B4GALT1: variants seen among roughly 807,000 people sequenced by gnomAD.
The protein encoded by B4GALT1 is beta-1,4-galactosyltransferase 1.
A neutral mutation model predicts 34.9 loss-of-function variants in B4GALT1; 16 were observed. That is an observed-to-expected ratio of 0.46 (90% CI 0.31 to 0.70). The LOEUF is 0.70. B4GALT1 is among the 30% of genes least tolerant of loss of function. The pLI is 0.05. For missense variants in B4GALT1, 445 were observed against 530.5 expected (o/e 0.84, Z 1.58); for synonymous variants, 221 against 218.1 (o/e 1.01, Z -0.12).
chr9:33,110,435 T>C (rs575301586), downstream of B4GALT1, among the ~76,000 whole-genome samples: 1 of 152,334 alleles, frequency 6.6e-6, no homozygotes, highest in African/African-American at 2.4e-5. Context: ...TTGTTTTACA[T>C]ATATCGTCAC....
intron 1 of B4GALT1, among the ~76,000 whole-genome samples, chr9:33,148,976 T>C (rs1225366060): frequency 6.6e-6 from 1 of 152,176 alleles, no homozygotes; most frequent in Non-Finnish European, 1.5e-5. Context: ...GATTATGATT[T>C]AATGAAGTAA....
chr9:33,120,724 T>G, intron 2 of B4GALT1, 118 bp from the exon 3 acceptor site: 1 of 1,009,516 alleles, frequency 9.9e-7, no homozygotes, highest in Non-Finnish European at 1.5e-6. Context: ...GGGCCTCACT[T>G]TTCTGCCGTC....
chr9:33,135,110 C>A, intron 2 of B4GALT1, 79 bp downstream of exon 2: 1 of 1,401,152 alleles, frequency 7.1e-7, no homozygotes, highest in East Asian at 2.4e-5. Context: ...CTCCCCTTCC[C>A]CTGCCCTCAT....
chr9:33,107,731 G>T (rs1480709693), downstream of B4GALT1, among the ~76,000 whole-genome samples: 1 of 152,160 alleles, frequency 6.6e-6, no homozygotes, highest in Non-Finnish European at 1.5e-5. Context: ...CTGAGCCTAG[G>T]AGCCTGTCCT....
the B4GALT1 span, among the ~76,000 whole-genome samples, chr9:33,177,193 C>T: frequency 4.6e-5 from 7 of 152,164 alleles, no homozygotes; most frequent in African/African-American, 1.7e-4. Context: ...CATACCAAGG[C>T]GGCAAGTTCA....
At chr9:33,157,451 T>C (rs1430493310) in intron 1 of B4GALT1, among the ~76,000 whole-genome samples, 1 of 152,190 alleles carries the variant, frequency 6.6e-6, no homozygotes, top group Non-Finnish European at 1.5e-5. Flanking sequence ...TAGTGTATGC[T>C]AATGGAATAT....
chr9:33,168,665 C>G (rs1205872904), upstream of B4GALT1, among the ~76,000 whole-genome samples: 5 of 152,210 alleles, frequency 3.3e-5, no homozygotes, highest in African/African-American at 1.2e-4. Flanking sequence ...ATTTCTGTCT[C>G]CTCTCTGGAC....
intron 2 of B4GALT1, among the ~76,000 whole-genome samples, chr9:33,127,789 A>G (rs1197361293): frequency 5.9e-5 from 9 of 152,254 alleles, no homozygotes; most frequent in African/African-American, 2.2e-4. Context: ...AGCAGGATAC[A>G]AAAGTTTATA....
chr9:33,135,042 A>G (rs911529276), intron 2 of B4GALT1, 147 bp downstream of exon 2: 2 of 799,134 alleles, frequency 2.5e-6, no homozygotes, highest in African/African-American at 1.7e-5. Context: ...CCTCATCTGC[A>G]CTGGTGGTGG....
At chr9:33,123,817 A>G (rs1200999923) in intron 2 of B4GALT1, among the ~76,000 whole-genome samples, 1 of 152,240 alleles carries the variant, frequency 6.6e-6, no homozygotes, top group Non-Finnish European at 1.5e-5. Flanking sequence ...CTGGAGGAGA[A>G]GCCCAAGAAG....
downstream of B4GALT1, chr9:33,108,750 T>A (rs1839822666): frequency 6.6e-6 from 1 of 152,044 alleles, no homozygotes; most frequent in Non-Finnish European, 1.5e-5. Flanking sequence ...ACTGGTGTGC[T>A]CCATCTCACT....
At chr9:33,150,696 CTA>C (rs1268875940) in intron 1 of B4GALT1, among the ~76,000 whole-genome samples, 1 of 151,996 alleles carries the variant, frequency 6.6e-6, no homozygotes, top group South Asian at 2.1e-4. Context: ...AATTTATAGA[CTA>C]TATGCCAAAA....
chr9:33,126,667 G>GTTAACATTGTTAACTATC (rs1358355119), intron 2 of B4GALT1, among the ~76,000 whole-genome samples: 1 of 32,838 alleles, frequency 3.0e-5, no homozygotes, highest in African/African-American at 6.8e-5. Flanking sequence ...ATAGCAATAT[G>GTTAACATTGTTAACTATC]GTAGCTCAGA....
At chr9:33,151,837 C>T (rs1407286889) in intron 1 of B4GALT1, among the ~76,000 whole-genome samples, 2 of 152,148 alleles carry the variant, frequency 1.3e-5, no homozygotes, top group East Asian at 1.9e-4. Flanking sequence ...AAGCTTCTTG[C>T]AGCATGAGAG....
the B4GALT1 span, among the ~76,000 whole-genome samples, chr9:33,182,565 CT>C: frequency 0.02 from 3,029 of 152,224 alleles, 41 homozygotes; most frequent in Non-Finnish European, 0.03. Flanking sequence ...TTACTCCTCC[CT>C]TTTTTCCCCC....
intron 2 of B4GALT1, chr9:33,104,805 A>G (rs1410330749): frequency 4.6e-6 from 2 of 434,696 alleles, no homozygotes; most frequent in Admixed American, 2.7e-5. Context: ...CACATAACAG[A>G]AAATGCATCA....
chr9:33,158,938 G>A (rs767230232), intron 1 of B4GALT1, among the ~76,000 whole-genome samples: 6 of 152,054 alleles, frequency 3.9e-5, no homozygotes, highest in Non-Finnish European at 7.4e-5. Flanking sequence ...GGGGGGAGGG[G>A]GTCTCTCCTG....
intron 2 of B4GALT1, among the ~76,000 whole-genome samples, chr9:33,124,482 A>C (rs1840065262): frequency 6.6e-6 from 1 of 152,228 alleles, no homozygotes; most frequent in African/African-American, 2.4e-5. Flanking sequence ...GTATTAAATG[A>C]GACAACATTG....
At chr9:33,158,570 G>C (rs1341573653) in intron 1 of B4GALT1, among the ~76,000 whole-genome samples, 1 of 152,192 alleles carries the variant, frequency 6.6e-6, no homozygotes, top group Non-Finnish European at 1.5e-5. Flanking sequence ...ACAGCAAGTA[G>C]AGGAAATCGC....
Sources: gnomAD v4.1 joint callset for allele counts (sites outside exome capture counted in the v4.1 genomes callset) on GRCh38, gnomAD v4.1.1 for gene constraint, MANE v1.5 for transcripts, NCBI Gene and HGNC (gene_info 2026-07-23, HGNC 2026-07-21) for gene names.